PLCB1: variants seen among roughly 807,000 people sequenced by gnomAD.
The protein encoded by PLCB1 is phospholipase C beta 1, also known as 1-phosphatidylinositol 4,5-bisphosphate phosphodiesterase beta-1.
A neutral mutation model predicts 161.8 loss-of-function variants in PLCB1; 46 were observed. The observed-to-expected ratio is 0.28, with a 90% CI of 0.22 to 0.36. PLCB1 has a LOEUF of 0.36. PLCB1 is among the 10% of genes least tolerant of loss of function. The probability of loss-of-function intolerance (pLI) is 1.00; values close to 1 mark genes in which losing one functional copy is unlikely to be tolerated. For missense variants in PLCB1, 1,016 were observed against 1,472.5 expected (o/e 0.69, Z 5.07); for synonymous variants, 517 against 503.7 (o/e 1.03, Z -0.35).
intron 6 of PLCB1, 116 bp from the exon 7 acceptor site, chr20:8,649,258 A>T: frequency 1.5e-6 from 1 of 650,896 alleles, no homozygotes; most frequent in Non-Finnish European, 2.8e-6. Context: ...TTAGTTCTTT[A>T]AATATGAATA....
chr20:8,205,538 C>T (rs538471425), intron 2 of PLCB1, among the ~76,000 whole-genome samples: 5 of 152,126 alleles, frequency 3.3e-5, no homozygotes, highest in African/African-American at 9.6e-5. Context: ...GAAGGGGAAA[C>T]AATAGTTTAG....
chr20:8,173,446 T>G (rs2051752559), intron 2 of PLCB1, among the ~76,000 whole-genome samples: 2 of 152,190 alleles, frequency 1.3e-5, no homozygotes, highest in South Asian at 4.1e-4. Context: ...GCAAAGGTTC[T>G]GAAAATTAAA....
chr20:8,767,206 G>A (rs1015801620), intron 26 of PLCB1, among the ~76,000 whole-genome samples: 7 of 152,054 alleles, frequency 4.6e-5, no homozygotes, highest in African/African-American at 1.4e-4. Flanking sequence ...ACAGACCCTC[G>A]GGACCTGACC....
At chr20:8,218,774 T>C (rs916225917) in intron 2 of PLCB1, among the ~76,000 whole-genome samples, 2 of 152,028 alleles carry the variant, frequency 1.3e-5, no homozygotes, top group Admixed American at 6.6e-5. Flanking sequence ...GGTTGTTCCA[T>C]GGATTGGGGA....
At chr20:8,303,559 T>G (rs535729655) in intron 2 of PLCB1, among the ~76,000 whole-genome samples, 22 of 152,320 alleles carry the variant, frequency 1.4e-4, no homozygotes, top group Admixed American at 1.4e-3. Flanking sequence ...ATAAAAGGAT[T>G]ACAGAAGCAC....
chr20:8,657,915 CA>C (rs1161170792), intron 8 of PLCB1, among the ~76,000 whole-genome samples: 3 of 152,068 alleles, frequency 2.0e-5, no homozygotes, highest in Admixed American at 6.6e-5. Flanking sequence ...AAATGGAAGA[CA>C]GGTAAACAGT....
chr20:8,425,565 G>A (rs1318870253), intron 3 of PLCB1, among the ~76,000 whole-genome samples: 7 of 151,884 alleles, frequency 4.6e-5, no homozygotes, highest in Non-Finnish European at 1.0e-4. Flanking sequence ...ACTCTGAGTA[G>A]CAAAGTTCTA....
At chr20:8,741,339 A>ATGGG in intron 22 of PLCB1, 125 bp from the exon 23 acceptor site, 1 of 615,268 alleles carries the variant, frequency 1.6e-6, no homozygotes, top group Non-Finnish European at 3.0e-6. Context: ...GGATGGATGG[A>ATGGG]TGGGTGGGTA....
chr20:8,390,876 C>G (rs992048677), intron 3 of PLCB1, among the ~76,000 whole-genome samples: 2 of 151,670 alleles, frequency 1.3e-5, no homozygotes, highest in African/African-American at 4.9e-5. Context: ...TATCATGTCT[C>G]TGAGACTTAG....
chr20:8,522,133 C>T (rs1000091000), intron 3 of PLCB1, among the ~76,000 whole-genome samples: 1 of 152,180 alleles, frequency 6.6e-6, no homozygotes, highest in African/African-American at 2.4e-5. Flanking sequence ...CAAGGACTCT[C>T]TAATCCTGTG....
chr20:8,357,611 G>A (rs1382115271), intron 2 of PLCB1, among the ~76,000 whole-genome samples: 1 of 151,952 alleles, frequency 6.6e-6, no homozygotes, highest in East Asian at 1.9e-4. Context: ...GAGCCCAGGA[G>A]TTCAAGATCA....
chr20:8,743,634 C>T (rs1186665845), intron 23 of PLCB1, among the ~76,000 whole-genome samples: 1 of 152,090 alleles, frequency 6.6e-6, no homozygotes, highest in African/African-American at 2.4e-5. Flanking sequence ...CTCAAGAATC[C>T]TCATGTCCAC....
intron 3 of PLCB1, among the ~76,000 whole-genome samples, chr20:8,574,347 C>T (rs1009385272): frequency 3.9e-5 from 6 of 152,034 alleles, no homozygotes; most frequent in South Asian, 2.1e-4. Context: ...TGCACTGAGC[C>T]AAGATCATGC....
intron 10 of PLCB1, among the ~76,000 whole-genome samples, chr20:8,689,412 G>A (rs1432399375): frequency 6.6e-6 from 1 of 152,046 alleles, no homozygotes; most frequent in Non-Finnish European, 1.5e-5. Context: ...GGGCATCCTT[G>A]TTTTGTTCCC....
At chr20:8,757,762 C>T (rs1981811208) in intron 24 of PLCB1, among the ~76,000 whole-genome samples, 1 of 151,978 alleles carries the variant, frequency 6.6e-6, no homozygotes, top group Non-Finnish European at 1.5e-5. Context: ...GGAAGAGTGA[C>T]CTTAGGCCTG....
chr20:8,547,414 G>A (rs760352457), intron 3 of PLCB1, among the ~76,000 whole-genome samples: 38 of 152,226 alleles, frequency 2.5e-4, no homozygotes, highest in African/African-American at 6.7e-4. Flanking sequence ...CTAGTCCTGC[G>A]TGGGGACATA....
intron 2 of PLCB1, among the ~76,000 whole-genome samples, chr20:8,265,416 T>C (rs1191193652): frequency 6.6e-6 from 1 of 152,214 alleles, no homozygotes; most frequent in African/African-American, 2.4e-5. Context: ...GGGAGGCATT[T>C]ACTATCCAAA....
chr20:8,331,739 T>G (rs1296015734), intron 2 of PLCB1, among the ~76,000 whole-genome samples: 1 of 152,202 alleles, frequency 6.6e-6, no homozygotes, highest in Non-Finnish European at 1.5e-5. Flanking sequence ...GGAAACTCAC[T>G]TTCAGTTTGG....
intron 3 of PLCB1, among the ~76,000 whole-genome samples, chr20:8,434,643 A>C (rs771942): frequency 0.6 from 91,805 of 152,028 alleles, 28,002 homozygotes; most frequent in East Asian, 0.7. Flanking sequence ...AGAAACAATT[A>C]CTAAGGTTAT....
Sources: gnomAD v4.1 joint callset for allele counts (sites outside exome capture counted in the v4.1 genomes callset) on GRCh38, gnomAD v4.1.1 for gene constraint, MANE v1.5 for transcripts, NCBI Gene and HGNC (gene_info 2026-07-23, HGNC 2026-07-21) for gene names.